CCDC192: variants seen among roughly 807,000 people sequenced by gnomAD.
The protein encoded by CCDC192 is coiled-coil domain-containing protein 192.
chr5:127,843,627 G>A (rs1055250742), intron 5 of CCDC192, among the ~76,000 whole-genome samples: 22 of 151,846 alleles, frequency 1.4e-4, no homozygotes, highest in Admixed American at 9.8e-4. Flanking sequence ...TAGTAAAGAC[G>A]GGATTTCCTC....
chr5:127,887,829 A>G (rs1327378728), intron 6 of CCDC192, among the ~76,000 whole-genome samples: 2 of 150,536 alleles, frequency 1.3e-5, no homozygotes, highest in Non-Finnish European at 3.0e-5. Context: ...TCAGCCTCCC[A>G]AGTAGCTGGG....
At chr5:127,777,560 G>A (rs1345810825) in intron 3 of CCDC192, among the ~76,000 whole-genome samples, 2 of 152,162 alleles carry the variant, frequency 1.3e-5, no homozygotes, top group African/African-American at 2.4e-5. Flanking sequence ...GTTTTGGAAT[G>A]TGAGGACATG....
intron 2 of CCDC192, among the ~76,000 whole-genome samples, chr5:127,724,313 G>A (rs566941566): frequency 2.9e-4 from 44 of 152,172 alleles, no homozygotes; most frequent in African/African-American, 9.6e-4. Flanking sequence ...TTCTACCTGC[G>A]ATCTTCCTTA....
At chr5:127,783,708 C>G (rs936855704) in intron 3 of CCDC192, among the ~76,000 whole-genome samples, 1 of 152,064 alleles carries the variant, frequency 6.6e-6, no homozygotes, top group African/African-American at 2.4e-5. Flanking sequence ...TCTTGATGAC[C>G]TGTCTAGTGC....
intron 3 of CCDC192, among the ~76,000 whole-genome samples, chr5:127,792,093 C>T (rs1756897652): frequency 6.6e-6 from 1 of 152,158 alleles, no homozygotes; most frequent in African/African-American, 2.4e-5. Flanking sequence ...TGGTGGATTG[C>T]TTGAGCTCAG....
chr5:127,835,294 C>T (rs775642883), intron 5 of CCDC192, among the ~76,000 whole-genome samples: 26 of 152,188 alleles, frequency 1.7e-4, no homozygotes, highest in Non-Finnish European at 3.1e-4. Flanking sequence ...TATGGTTCAG[C>T]AGTCAGCACA....
chr5:127,885,537 C>A (rs1024556834), intron 6 of CCDC192, among the ~76,000 whole-genome samples: 1 of 152,100 alleles, frequency 6.6e-6, no homozygotes, highest in African/African-American at 2.4e-5. Flanking sequence ...CCTGTAGCTC[C>A]CCAGAAACCT....
intron 2 of CCDC192, among the ~76,000 whole-genome samples, chr5:127,750,929 A>T (rs777181655): frequency 2.2e-3 from 330 of 149,352 alleles, no homozygotes; most frequent in Non-Finnish European, 3.9e-3. Flanking sequence ...AGAGACTAAG[A>T]TTGCAACCCC....
intron 6 of CCDC192, among the ~76,000 whole-genome samples, chr5:127,939,154 G>A (rs1039909799): frequency 3.6e-5 from 4 of 111,222 alleles, no homozygotes; most frequent in Non-Finnish European, 5.0e-5. Context: ...GTCTCACTCT[G>A]TCGCCCAGGC....
chr5:127,832,594 T>G (rs569412873), intron 5 of CCDC192, among the ~76,000 whole-genome samples: 127 of 152,214 alleles, frequency 8.3e-4, no homozygotes, highest in African/African-American at 2.8e-3. Context: ...TTCAGAATAG[T>G]GATTGCCTCT....
intron 5 of CCDC192, among the ~76,000 whole-genome samples, chr5:127,852,921 C>G (rs1750864943): frequency 6.6e-6 from 1 of 152,102 alleles, no homozygotes; most frequent in Non-Finnish European, 1.5e-5. Flanking sequence ...AACCCCGTCT[C>G]TACTGAAAAA....
intron 2 of CCDC192, chr5:127,739,578 C>G (rs111959850): frequency 2.6e-5 from 4 of 155,670 alleles, no homozygotes; most frequent in South Asian, 2.0e-4. Flanking sequence ...TAGCAGTCAG[C>G]GAGACTCTGT....
chr5:127,708,470 A>G (rs746925166), intron 2 of CCDC192, among the ~76,000 whole-genome samples: 4 of 152,086 alleles, frequency 2.6e-5, no homozygotes, highest in East Asian at 1.9e-4. Context: ...ATTTCCCTCA[A>G]TCTCCTTTGA....
intron 6 of CCDC192, among the ~76,000 whole-genome samples, chr5:127,913,364 C>A (rs1369937091): frequency 6.6e-6 from 1 of 152,218 alleles, no homozygotes; most frequent in Non-Finnish European, 1.5e-5. Context: ...TGTGATAAAC[C>A]TACGTTTACC....
intron 5 of CCDC192, among the ~76,000 whole-genome samples, chr5:127,825,079 A>G (rs1381817818): frequency 2.6e-5 from 4 of 152,226 alleles, no homozygotes; most frequent in African/African-American, 9.6e-5. Flanking sequence ...ACAAAAAACT[A>G]AGGTATCTTC....
intron 5 of CCDC192, among the ~76,000 whole-genome samples, chr5:127,814,754 G>A (rs893359235): frequency 6.6e-6 from 1 of 152,110 alleles, no homozygotes; most frequent in Non-Finnish European, 1.5e-5. Context: ...GCAATCCCTT[G>A]CTGGTTAGTT....
intron 6 of CCDC192, among the ~76,000 whole-genome samples, chr5:127,880,317 T>C (rs1029012224): frequency 2.6e-5 from 4 of 151,552 alleles, no homozygotes; most frequent in Admixed American, 6.6e-5. Flanking sequence ...ATGGATGAAA[T>C]TGGAAACCAT....
At chr5:127,711,814 T>C (rs1470636449) in intron 2 of CCDC192, among the ~76,000 whole-genome samples, 1 of 152,150 alleles carries the variant, frequency 6.6e-6, no homozygotes, top group Non-Finnish European at 1.5e-5. Flanking sequence ...ATAGGTTAAT[T>C]TTTTTACCAC....
intron 2 of CCDC192, among the ~76,000 whole-genome samples, chr5:127,716,874 C>G (rs1437296884): frequency 6.6e-6 from 1 of 152,176 alleles, no homozygotes; most frequent in African/African-American, 2.4e-5. Flanking sequence ...TTGTATTTTT[C>G]CTTCTCTCCT....
Sources: allele counts gnomAD v4.1 joint callset (sites outside exome capture counted in the v4.1 genomes callset), GRCh38; gene constraint gnomAD v4.1.1; transcripts MANE v1.5; gene names NCBI Gene and HGNC (gene_info 2026-07-23, HGNC 2026-07-21).